LRRC74A: variants seen among roughly 807,000 people sequenced by gnomAD.
The protein encoded by LRRC74A is leucine rich repeat containing 74A, also known as leucine-rich repeat-containing protein 74A.
Under a neutral mutation model 57.9 loss-of-function variants are expected in LRRC74A, and 44 were observed. The ratio of observed to expected loss-of-function variants is 0.76; its 90% CI spans 0.60 to 0.98. The LOEUF (loss-of-function observed/expected upper bound fraction) is 0.98. Among genes scored for constraint, LRRC74A ranks in the 50% least tolerant of loss-of-function variants. The pLI is 0.00. For synonymous variants in LRRC74A, 211 were observed against 219.4 expected (o/e 0.96, Z 0.34); for missense variants, 572 against 574.0 (o/e 1.00, Z 0.04).
intron 1 of LRRC74A, 105 bp downstream of exon 1, chr14:76,826,839 A>AC: frequency 4.2e-6 from 3 of 710,906 alleles, no homozygotes; most frequent in Non-Finnish European, 6.8e-6. Flanking sequence ...CTCACCTGGG[A>AC]CCCTCTAGAA....
intron 2 of LRRC74A, among the ~76,000 whole-genome samples, chr14:76,830,635 T>C (rs1414517481): frequency 6.6e-6 from 1 of 152,260 alleles, no homozygotes; most frequent in Non-Finnish European, 1.5e-5. Flanking sequence ...TTCTCGCTGA[T>C]GTGGAGGTCT....
Position 76,844,803 on chromosome 14 carries a change from C to T in LRRC74A, c.595-17C>T. On this transcript the variant is annotated splice_polypyrimidine_tract_variant and intron_variant, in intron 6 of 13. Coordinates refer to ENST00000689127, the MANE Select transcript of LRRC74A (RefSeq NM_001385106.1). Reference sequence around the variant, plus strand: ...GAAGACAAAAAATCCTTCTCTTTCCCCTGTTTGTTTCTGTAGACCAATTAC... The same window carrying T: ...GAAGACAAAAAATCCTTCTCTTTCCTCTGTTTGTTTCTGTAGACCAATTAC... The T allele has an allele frequency of 1.4e-6, 2 of 1,393,500 alleles. No homozygotes were observed. The highest frequency in any genetic ancestry group is 2.0e-6 in the Non-Finnish European group (2 of 980,636). 86.3% of individuals were successfully genotyped at this position (1,393,500 alleles called of 1,614,324 possible).
rs1897025068 is a variant in LRRC74A, at chr14:76,844,958, G to A, written c.676+57G>A. ...GGGAGGGATAGGGAAGAATCACTTG[G>A]CAGAGCGGAATCTCCCTTTTAAACA... is the stretch of plus-strand genomic sequence containing the variant. On this transcript the variant is annotated intron_variant, in intron 7 of 13. Coordinates refer to ENST00000689127, the MANE Select transcript of LRRC74A (RefSeq NM_001385106.1). 5.7e-5 allele frequency: 49 copies of A among 863,760 alleles called. 1 individual carries two copies. In the South Asian group the frequency reaches 7.0e-4, roughly 12 times the overall value. 53.5% of individuals were successfully genotyped at this position (863,760 alleles called of 1,614,324 possible).
At chr14:76,838,033 A>G (rs2140269702) in intron 5 of LRRC74A, 62 bp downstream of exon 5, 1 of 1,116,422 alleles carries the variant, frequency 9.0e-7, no homozygotes, top group South Asian at 1.4e-5. Flanking sequence ...GAGGGGAAAA[A>G]CAGAGAATTC....
At chr14:76,856,836 T>G (rs1897927749) in intron 9 of LRRC74A, among the ~76,000 whole-genome samples, 1 of 135,850 alleles carries the variant, frequency 7.4e-6, no homozygotes, top group Non-Finnish European at 1.6e-5. Flanking sequence ...GGATGAGAGG[T>G]GGATGGATGA....
intron 5 of LRRC74A, among the ~76,000 whole-genome samples, chr14:76,843,022 G>A (rs1473743769): frequency 6.6e-6 from 1 of 152,124 alleles, no homozygotes; most frequent in African/African-American, 2.4e-5. Flanking sequence ...AAAGACACCA[G>A]GTGCGAATCC....
intron 13 of LRRC74A, 37 bp from the exon 14 acceptor site, chr14:76,870,088 C>T (rs745354413): frequency 3.1e-6 from 5 of 1,601,614 alleles, no homozygotes; most frequent in Non-Finnish European, 4.3e-6. Context: ...TGAGGCTGTA[C>T]GGGTGCTCAG....
chr14:76,842,416 C>T (rs934493946), intron 5 of LRRC74A, among the ~76,000 whole-genome samples: 2 of 152,186 alleles, frequency 1.3e-5, no homozygotes, highest in Admixed American at 1.3e-4. Flanking sequence ...AAATACAAAT[C>T]ACCCAGTCCT....
rs1372540082 is a variant in LRRC74A, at chr14:76,828,426, A to C, written c.166+7A>C. ...ACAGACCTGGAGATTGAAGGCGAGC[A>C]TGGGCATTTGGGGGCAGTCAGGGCA... On this transcript the variant is annotated splice_region_variant and intron_variant, in intron 2 of 13. Coordinates refer to ENST00000689127, the MANE Select transcript of LRRC74A (RefSeq NM_001385106.1). 6.2e-7 allele frequency: 1 copy of C among 1,613,828 alleles called. No individual in the cohort carries two copies.
Position 76,870,201 on chromosome 14 carries a change from G to A in LRRC74A, c.*52G>A, listed in dbSNP as rs529178186. ...TCGGCGAGAGGAGTCCTCGCAAGTC[G>A]GATGGTGGCAGGGAGGAGAGCAAGA... On this transcript the variant is annotated 3_prime_UTR_variant, in exon 14 of 14. Coordinates refer to ENST00000689127, the MANE Select transcript of LRRC74A (RefSeq NM_001385106.1). 2.7e-5 allele frequency: 42 copies of A among 1,581,208 alleles called. No homozygotes were observed. The highest frequency in any genetic ancestry group is 9.4e-5 in the African/African-American group (7 of 74,386).
chr14:76,848,410 A>T (rs1364568405), intron 7 of LRRC74A, among the ~76,000 whole-genome samples: 1 of 151,976 alleles, frequency 6.6e-6, no homozygotes, highest in Non-Finnish European at 1.5e-5. Flanking sequence ...AAAAAAAAAA[A>T]AATCAAAAAC....
At chr14:76,862,216 G>C (rs1303559650) in intron 11 of LRRC74A, among the ~76,000 whole-genome samples, 1 of 152,286 alleles carries the variant, frequency 6.6e-6, no homozygotes, top group East Asian at 1.9e-4. Context: ...GATGGCTACA[G>C]TGACGACCCA....
intron 5 of LRRC74A, among the ~76,000 whole-genome samples, chr14:76,838,850 C>G (rs1896553787): frequency 1.3e-5 from 2 of 152,206 alleles, no homozygotes; most frequent in Admixed American, 1.3e-4. Context: ...ATCCTCCCGC[C>G]TCAGCCTCCC....
At chr14:76,828,708 A>C in intron 2 of LRRC74A, 1 of 510,354 alleles carries the variant, frequency 2.0e-6, no homozygotes. Context: ...AATCTTCTAA[A>C]TGTTTCCACG....
chr14:76,836,345 A>C, intron 4 of LRRC74A, 31 bp downstream of exon 4: 1 of 1,505,920 alleles, frequency 6.6e-7, no homozygotes, highest in Non-Finnish European at 9.1e-7. Context: ...GGCTCTTACC[A>C]TCATCCCTGG....
intron 5 of LRRC74A, among the ~76,000 whole-genome samples, chr14:76,840,588 T>C (rs545155150): frequency 8.1e-5 from 12 of 148,406 alleles, no homozygotes; most frequent in Non-Finnish European, 1.8e-4. Flanking sequence ...GTATTTCTTT[T>C]TTTTTTTTTT....
chr14:76,829,453 G>A lies in LRRC74A; in HGVS notation c.166+1034G>A, dbSNP rs79770757. On this transcript the variant is annotated intron_variant, in intron 2 of 13. Coordinates refer to ENST00000689127, the MANE Select transcript of LRRC74A (RefSeq NM_001385106.1). ...TGTCCACTTCAAGTCTGTTGTTAAC[G>A]TTGCTTCTAACACCCAACTTCATTC... 1.4e-3 allele frequency among the ~76,000 whole-genome samples: 210 copies of A among 152,256 alleles called. 1 individual carries two copies. Among genetic ancestry groups the A allele is most frequent in the African/African-American group, 4.9e-3 (205 of 41,542 alleles).
chr14:76,865,314 C>T (rs1338521806), intron 11 of LRRC74A, among the ~76,000 whole-genome samples: 1 of 152,110 alleles, frequency 6.6e-6, no homozygotes, highest in Admixed American at 6.5e-5. Context: ...ATATGGAGGG[C>T]CTGCCTTTTC....
chr14:76,829,354 T>C (rs1267838002), intron 2 of LRRC74A, among the ~76,000 whole-genome samples: 1 of 152,202 alleles, frequency 6.6e-6, no homozygotes, highest in Non-Finnish European at 1.5e-5. Flanking sequence ...ACATACAACA[T>C]ACATCTTCAC....
Sources: allele counts gnomAD v4.1 joint callset (sites outside exome capture counted in the v4.1 genomes callset), GRCh38; gene constraint gnomAD v4.1.1; transcripts MANE v1.5; gene names NCBI Gene and HGNC (gene_info 2026-07-23, HGNC 2026-07-21).